MAPRE2: variants seen among roughly 807,000 people sequenced by gnomAD.
The protein encoded by MAPRE2 is microtubule-associated protein RP/EB family member 2.
In MAPRE2, 13 loss-of-function variants were observed where a neutral mutation model predicts 43.2. The ratio of observed to expected loss-of-function variants is 0.30; its 90% confidence interval spans 0.20 to 0.48. The LOEUF (loss-of-function observed/expected upper bound fraction) is 0.48. Among genes scored for constraint, MAPRE2 ranks in the 20% least tolerant of loss-of-function variants. The pLI is 0.99. For missense variants in MAPRE2, 161 were observed against 400.2 expected (o/e 0.40, Z 5.10); for synonymous variants, 135 against 148.8 (o/e 0.91, Z 0.68).
intron 2 of MAPRE2, among the ~76,000 whole-genome samples, chr18:35,011,540 A>T (rs1568971165): frequency 6.6e-6 from 1 of 152,206 alleles, no homozygotes; most frequent in Non-Finnish European, 1.5e-5. Context: ...AAGATGTTGA[A>T]GTCCTTTAAG....
chr18:35,003,665 T>C (rs1353337713), intron 1 of MAPRE2, among the ~76,000 whole-genome samples: 2 of 152,226 alleles, frequency 1.3e-5, no homozygotes, highest in Non-Finnish European at 2.9e-5. Context: ...CTAGAAACCT[T>C]ATGTTCCTGC....
chr18:35,042,925 A>G (rs1603393166), intron 1 of MAPRE2, among the ~76,000 whole-genome samples: 1 of 11,042 alleles, frequency 9.1e-5, no homozygotes, highest in Non-Finnish European at 1.4e-4. Flanking sequence ...TTGTTGACTC[A>G]AAAAAAAAAA....
intron 1 of MAPRE2, among the ~76,000 whole-genome samples, chr18:35,063,545 C>T (rs1379243578): frequency 6.6e-6 from 1 of 151,872 alleles, no homozygotes; most frequent in Non-Finnish European, 1.5e-5. Context: ...AAGGCTCAGC[C>T]TCCAAGTGGG....
intron 4 of MAPRE2, among the ~76,000 whole-genome samples, chr18:35,120,906 G>A (rs1842383731): frequency 1.3e-5 from 2 of 152,144 alleles, no homozygotes; most frequent in South Asian, 4.1e-4. Context: ...TAGGGGGATG[G>A]TTTGGGAAGG....
At chr18:35,108,653 T>C (rs1022903407) in intron 4 of MAPRE2, among the ~76,000 whole-genome samples, 1 of 152,110 alleles carries the variant, frequency 6.6e-6, no homozygotes, top group Admixed American at 6.5e-5. Flanking sequence ...GACTTTTTAA[T>C]AATCACTATT....
At chr18:35,094,792 C>G (rs1265858269) in intron 2 of MAPRE2, among the ~76,000 whole-genome samples, 1 of 152,188 alleles carries the variant, frequency 6.6e-6, no homozygotes, top group Non-Finnish European at 1.5e-5. Context: ...GCTGCTTTTG[C>G]TGCTCAGGAC....
intron 1 of MAPRE2, among the ~76,000 whole-genome samples, chr18:35,066,781 C>T (rs1264430335): frequency 2.0e-5 from 3 of 152,196 alleles, no homozygotes; most frequent in South Asian, 2.1e-4. Context: ...GGCCTAAAAT[C>T]GGAAAAGCTG....
At chr18:34,990,923 T>C (rs1310860383) in intron 1 of MAPRE2, among the ~76,000 whole-genome samples, 1 of 152,188 alleles carries the variant, frequency 6.6e-6, no homozygotes, top group African/African-American at 2.4e-5. Flanking sequence ...TATTCATGGA[T>C]CCCTTGGTCT....
In MAPRE2 at chr18:35,101,977, G is replaced by A; in HGVS notation, c.428G>A (p.Arg143His). Residue 143 changes from arginine to histidine, a missense_variant, in exon 4 of 7, where the codon CGT (arginine) becomes CAT (histidine). Arg to His is a conservative substitution (Grantham distance 29, BLOSUM62 0). Transcript: ENST00000300249. The stretch of plus-strand genomic sequence containing the variant: ...CCAGTGGAGAAGCTAGTGAAAGGAC[G>A]TTTCCAGGACAACCTGGATTTTATT... ...VIPVEKLVKGRFQDNLDFIQW... is the reference protein window; with the variant it reads ...VIPVEKLVKGHFQDNLDFIQW... 6.2e-7 allele frequency: 1 copy of A among 1,609,810 alleles called. No homozygotes were observed. The highest frequency in any genetic ancestry group is 8.5e-7 in the Non-Finnish European group (1 of 1,178,246).
intron 4 of MAPRE2, among the ~76,000 whole-genome samples, chr18:35,107,073 A>G (rs1908943950): frequency 6.6e-6 from 1 of 152,186 alleles, no homozygotes; most frequent in African/African-American, 2.4e-5. Context: ...ACATACATTC[A>G]TGTATTTAAA....
In MAPRE2 at chr18:35,095,363, TACACACAC is replaced by T. The variant is rs34361204; in HGVS notation, c.251-2052_251-2045del. Among the ~76,000 whole-genome samples the T allele has an allele frequency of 1.3e-3, 175 of 136,168 alleles. 1 individual carries two copies. The highest frequency in any genetic ancestry group is 4.9e-3 in the Admixed American group (67 of 13,610). 89.3% of individuals were successfully genotyped at this position (136,168 alleles called of 152,430 possible). ...AAACAGGATCACATTTTTAAGAAAA[TACACACAC>T]ACACACACACACACACACACACACA... On this transcript the variant is annotated intron_variant, in intron 2 of 6. Transcript: ENST00000300249.
intron 1 of MAPRE2, among the ~76,000 whole-genome samples, chr18:35,046,302 A>G (rs1247064164): frequency 6.6e-6 from 1 of 152,190 alleles, no homozygotes; most frequent in Admixed American, 6.5e-5. Flanking sequence ...TCATTTTGTA[A>G]AAGACTTACA....
At chr18:35,128,195 C>T (rs578007963) in intron 5 of MAPRE2, among the ~76,000 whole-genome samples, 2 of 152,314 alleles carry the variant, frequency 1.3e-5, no homozygotes, top group South Asian at 4.1e-4. Flanking sequence ...GGTATAAAAA[C>T]AAGCCATCCA....
rs192379689 is a variant in MAPRE2, at chr18:35,142,324, T to G, written c.*1955T>G. On this transcript the variant is annotated 3_prime_UTR_variant, in exon 7 of 7. Transcript: ENST00000300249. ...GATACTGCAGTGGTTCCTAGGCCATTCTTCATCTGCTCTGGACATCTCAGT... is the reference window on the plus strand; with the variant it reads ...GATACTGCAGTGGTTCCTAGGCCATGCTTCATCTGCTCTGGACATCTCAGT... 6.6e-6 allele frequency: 1 copy of G among 152,410 alleles called. No homozygotes were observed. The highest frequency in any genetic ancestry group is 6.5e-5 in the Admixed American group (1 of 15,308). The allele number at this position is 152,410 out of a possible 1,614,324, so 9.4% of individuals were successfully genotyped here.
chr18:34,983,778 T>C (rs2097017594), intron 1 of MAPRE2, among the ~76,000 whole-genome samples: 1 of 152,064 alleles, frequency 6.6e-6, no homozygotes, highest in Admixed American at 6.6e-5. Context: ...TACAGGCACA[T>C]GCCACCATAT....
chr18:35,120,293 T>C (rs1603403113), intron 4 of MAPRE2, among the ~76,000 whole-genome samples: 1 of 152,172 alleles, frequency 6.6e-6, no homozygotes, highest in African/African-American at 2.4e-5. Flanking sequence ...CTGCCCACTC[T>C]TAAGAGCCTC....
At chr18:35,138,546 A>G (rs1474312497) in intron 6 of MAPRE2, among the ~76,000 whole-genome samples, 1 of 152,202 alleles carries the variant, frequency 6.6e-6, no homozygotes, top group African/African-American at 2.4e-5. Context: ...CACTTCTAGA[A>G]TATATTCCAG....
In MAPRE2 at chr18:35,142,417, G is replaced by GAGTC. The variant is rs1657380448; in HGVS notation, c.*2051_*2054dup. ...TGGATGCACGTGAGTGGGTAGCAGGGAGTCAGGATCCTGCCTTCTCCAGCA... is the reference window on the plus strand; with the variant it reads ...TGGATGCACGTGAGTGGGTAGCAGGGAGTCAGTCAGGATCCTGCCTTCTCCAGCA... On this transcript the variant is annotated 3_prime_UTR_variant, in exon 7 of 7. Transcript: ENST00000300249. 6.6e-6 allele frequency: 1 copy of GAGTC among 152,222 alleles called. No homozygotes were observed. Among genetic ancestry groups the GAGTC allele is most frequent in the South Asian group, 2.1e-4 (1 of 4,828 alleles). 9.4% of individuals were successfully genotyped at this position (152,222 alleles called of 1,614,324 possible). A position where few individuals can be genotyped will look rare whatever the true frequency, so the allele number is the denominator to read the frequency against.
At chr18:35,026,950 GC>G (rs1379901261) in intron 2 of MAPRE2, among the ~76,000 whole-genome samples, 2 of 152,150 alleles carry the variant, frequency 1.3e-5, no homozygotes, top group Non-Finnish European at 2.9e-5. Flanking sequence ...AAGATCTTAA[GC>G]TTTTGATACT....
Sources: allele counts gnomAD v4.1 joint callset (sites outside exome capture counted in the v4.1 genomes callset), GRCh38; gene constraint gnomAD v4.1.1; transcripts MANE v1.5; gene names NCBI Gene and HGNC (gene_info 2026-07-23, HGNC 2026-07-21).